The following EIF2AK1 variants were observed in gnomAD, a reference collection of about 807,000 sequenced individuals.
The protein encoded by EIF2AK1 is eukaryotic translation initiation factor 2 alpha kinase 1.
Under a neutral mutation model 77.9 loss-of-function variants are expected in EIF2AK1, and 54 were observed. The observed-to-expected ratio is 0.69, with a 90% confidence interval of 0.56 to 0.87. The LOEUF is 0.87. EIF2AK1 is among the 40% of genes least tolerant of loss of function. EIF2AK1 has a pLI of 0.00. For synonymous variants in EIF2AK1, 314 were observed against 290.5 expected (o/e 1.08, Z -0.82); for missense variants, 810 against 768.6 (o/e 1.05, Z -0.64).
At position 6,026,713 on chromosome 7, in the gene EIF2AK1, A is replaced by G. The variant is rs1014150943; in HGVS notation, c.1764+15T>C. On this transcript the variant is annotated intron_variant, in intron 14 of 14. Transcript: ENST00000199389. ...CCACCTTCACTCCAGGACCAAGAGA[A>G]AGAAAAGCACATACATTTCCAGAAT... The G allele has an allele frequency of 2.1e-5, 33 of 1,606,318 alleles. No homozygotes were observed. Among genetic ancestry groups the G allele is most frequent in the Non-Finnish European group, 2.8e-5 (33 of 1,172,938 alleles).
In EIF2AK1 at chr7:6,032,070, C is replaced by G. The variant is rs1033726052; in HGVS notation, c.1333-3038G>C. ...GAGCCTGTAATCTCAGCTACTCGGA[C>G]GGCTGAGGCAGGAGAATTGCTTGAA... On this transcript the variant is annotated intron_variant, in intron 11 of 14. Coordinates refer to ENST00000199389, the MANE Select transcript of EIF2AK1 (RefSeq NM_014413.4). This position sits in a 1 kb window ranked among gnomAD's most constrained non-coding sequence, Gnocchi z 4.3. 6.6e-6 allele frequency among the ~76,000 whole-genome samples: 1 copy of G among 151,992 alleles called. No homozygotes were observed. Among genetic ancestry groups the G allele is most frequent in the South Asian group, 2.1e-4 (1 of 4,816 alleles).
At chr7:6,026,090 T>G (rs1485101565) in intron 14 of EIF2AK1, among the ~76,000 whole-genome samples, 1 of 151,768 alleles carries the variant, frequency 6.6e-6, no homozygotes, top group Non-Finnish European at 1.5e-5. Flanking sequence ...GTCCAATGAC[T>G]GTGTACTGCG....
rs1787556688 is a variant in EIF2AK1, at chr7:6,023,152, G to A, written c.*1521C>T. ...ACCCTTTTCAGTAGTAAGCATCTTA[G>A]AGACAGACTGAAAATGTGATGTTCT... On this transcript the variant is annotated 3_prime_UTR_variant, in exon 15 of 15. Coordinates refer to ENST00000199389, the MANE Select transcript of EIF2AK1 (RefSeq NM_014413.4). 1 of 910,264 alleles carries A rather than the reference G, an allele frequency of 1.1e-6. No individual in the cohort carries two copies. The highest frequency in any genetic ancestry group is 3.0e-5 in the Admixed American group (1 of 33,124). The allele number at this position is 910,264 out of a possible 1,614,324, so 56.4% of individuals were successfully genotyped here.
In EIF2AK1 at chr7:6,023,473, A is replaced by G. The variant is rs769821226; in HGVS notation, c.*1200T>C. 2 of 1,614,266 alleles carry G rather than the reference A, an allele frequency of 1.2e-6. No homozygotes were observed. The highest frequency in any genetic ancestry group is 1.7e-6 in the Non-Finnish European group (2 of 1,180,048). On this transcript the variant is annotated 3_prime_UTR_variant, in exon 15 of 15. Coordinates refer to ENST00000199389, the MANE Select transcript of EIF2AK1 (RefSeq NM_014413.4). ...GATTTTTCAGTTAAAAGAGGGAAGC[A>G]GTAAAGAAAAAGCCGCTGTTTTCCG...
At position 6,036,440 on chromosome 7, in the gene EIF2AK1, T is replaced by C. The variant is rs1324354401; in HGVS notation, c.1332+984A>G. 10 of 1,327,032 alleles carry C rather than the reference T, an allele frequency of 7.5e-6. No individual in the cohort carries two copies. The highest frequency in any genetic ancestry group is 9.9e-6 in the Non-Finnish European group (10 of 1,005,346). 82.2% of individuals were successfully genotyped at this position (1,327,032 alleles called of 1,614,324 possible). On this transcript the variant is annotated intron_variant, in intron 11 of 14. Transcript: ENST00000199389. This position sits in a 1 kb window ranked among gnomAD's most constrained non-coding sequence, Gnocchi z 4.6. Reference sequence around the variant, plus strand: ...GGACTTTCAGCCACTCAAACTGCATTTTCTGGCTAGACATGTCCCAGAAAA... The same window carrying C: ...GGACTTTCAGCCACTCAAACTGCATCTTCTGGCTAGACATGTCCCAGAAAA...
chr7:6,028,187 T>A (rs1222678867), intron 13 of EIF2AK1: 3 of 315,406 alleles, frequency 9.5e-6, no homozygotes, highest in African/African-American at 6.6e-5. Flanking sequence ...CAGTTAATTA[T>A]CTACAGTACT....
chr7:6,030,643 C>T (rs946890394), intron 11 of EIF2AK1, among the ~76,000 whole-genome samples: 14 of 152,100 alleles, frequency 9.2e-5, no homozygotes, highest in Non-Finnish European at 1.5e-4. Context: ...GGACTACAGG[C>T]GCACGCCACC....
At position 6,024,171 on chromosome 7, in the gene EIF2AK1, G is replaced by C. The variant is rs1483189333; in HGVS notation, c.*502C>G. The C allele has an allele frequency of 5.5e-6, 7 of 1,272,962 alleles. No individual in the cohort carries two copies. The allele number at this position is 1,272,962 out of a possible 1,614,324, so 78.9% of individuals were successfully genotyped here. On this transcript the variant is annotated 3_prime_UTR_variant, in exon 15 of 15. Transcript: ENST00000199389. ...GAAGTTGCACACTGTACACTGTTAA[G>C]AAGTTGAGCTTTTATCTTAGAGGCA...
rs1422862292 is a variant in EIF2AK1 at position 6,032,352 on chromosome 7, T to A, written c.1333-3320A>T. Among the ~76,000 whole-genome samples the A allele has an allele frequency of 2.0e-5, 3 of 152,234 alleles. No individual in the cohort carries two copies. On this transcript the variant is annotated intron_variant, in intron 11 of 14. Transcript: ENST00000199389. This position sits in a 1 kb window ranked among gnomAD's most constrained non-coding sequence, Gnocchi z 4.3. ...GAAACCACTACTTACACGTGTGTATTTTAAGAGCTGGCACAAACAGCTCTG... is the reference window on the plus strand; with the variant it reads ...GAAACCACTACTTACACGTGTGTATATTAAGAGCTGGCACAAACAGCTCTG...
At chr7:6,056,287 A>G in intron 1 of EIF2AK1, among the ~76,000 whole-genome samples, 1 of 73,598 alleles carries the variant, frequency 1.4e-5, no homozygotes, top group South Asian at 6.1e-4. Flanking sequence ...TGTGAGACTC[A>G]GTCTCAAAAA....
chr7:6,048,072 TAG>T (rs2128890821), intron 4 of EIF2AK1: 1 of 152,326 alleles, frequency 6.6e-6, no homozygotes, highest in East Asian at 1.9e-4. Flanking sequence ...TATTTTAATG[TAG>T]AGTGCTTTAT....
rs909201219 is a variant in EIF2AK1 at position 6,023,715 on chromosome 7, G to T, written c.*958C>A. 1.2e-6 allele frequency: 2 copies of T among 1,614,026 alleles called. No individual in the cohort carries two copies. The highest frequency in any genetic ancestry group is 3.3e-5 in the Admixed American group (2 of 59,978). On this transcript the variant is annotated 3_prime_UTR_variant, in exon 15 of 15. Transcript: ENST00000199389. ...GAATTGCCGTAACTGATTTTAAAGG[G>T]TTTAGATTTTAAGAATGGTGCTCTT...
intron 11 of EIF2AK1, among the ~76,000 whole-genome samples, chr7:6,034,966 G>A (rs907203300): frequency 2.6e-5 from 4 of 152,064 alleles, no homozygotes; most frequent in African/African-American, 4.8e-5. Context: ...ACGGGAGTTC[G>A]GGCCTTCACG....
chr7:6,036,161 C>A lies in EIF2AK1; in HGVS notation c.1332+1263G>T. On this transcript the variant is annotated intron_variant, in intron 11 of 14. Coordinates refer to ENST00000199389, the MANE Select transcript of EIF2AK1 (RefSeq NM_014413.4). This position sits in a 1 kb window ranked among gnomAD's most constrained non-coding sequence, Gnocchi z 4.6. Reference sequence around the variant, plus strand: ...ATCACACTTATCCTCTGAGAATGACCAATAACCAAGGAATTCTACCTGCAG... The same window carrying A: ...ATCACACTTATCCTCTGAGAATGACAAATAACCAAGGAATTCTACCTGCAG... 2 of 1,549,970 alleles carry A rather than the reference C, an allele frequency of 1.3e-6. No individual in the cohort carries two copies. The highest frequency in any genetic ancestry group is 1.7e-6 in the Non-Finnish European group (2 of 1,146,586).
In EIF2AK1 at chr7:6,041,177, G is replaced by A. The variant is rs755743557; in HGVS notation, c.834C>T (p.Ser278=). 1.2e-6 allele frequency: 2 copies of A among 1,613,010 alleles called. No individual in the cohort carries two copies. Among genetic ancestry groups the A allele is most frequent in the Admixed American group, 1.7e-5 (1 of 59,686 alleles). Residue 278 remains serine, a synonymous_variant, in exon 9 of 15, where the codon TCC becomes TCT. Transcript: ENST00000199389. ...GVKNDESSSS[S]IIFAEPTPEK... The stretch of plus-strand genomic sequence containing the variant: ...CTGGGGTGGGCTCAGCAAAGATAAT[G>A]GATGAGCTGCTACTTTCATCATTTT...
intron 14 of EIF2AK1, among the ~76,000 whole-genome samples, chr7:6,025,711 C>T (rs1787726317): frequency 6.6e-6 from 1 of 152,284 alleles, no homozygotes; most frequent in East Asian, 1.9e-4. Flanking sequence ...TCTCAGCTCA[C>T]TGCAACCTCC....
chr7:6,051,270 TTTC>T (rs894168796), intron 2 of EIF2AK1, among the ~76,000 whole-genome samples: 9 of 147,378 alleles, frequency 6.1e-5, no homozygotes, highest in East Asian at 4.3e-4. Context: ...TTTTTTTTTC[TTTC>T]TTTTTTTTTT....
intron 9 of EIF2AK1, 59 bp downstream of exon 9, chr7:6,040,831 CCA>C: frequency 7.3e-7 from 1 of 1,374,348 alleles, no homozygotes; most frequent in Admixed American, 1.8e-5. Context: ...CGAGAGAAGG[CCA>C]CACACCTGCA....
rs1458316715 is a variant in EIF2AK1, at chr7:6,032,900, T to C, written c.1333-3868A>G. The C allele has an allele frequency of 6.4e-7, 1 of 1,551,038 alleles. No individual in the cohort carries two copies. ...AAGTACCACAAGGCCCAGAGTCTGC[T>C]CTGCCTGTTACGGCACGGTGCTGAC... is the stretch of plus-strand genomic sequence containing the variant. On this transcript the variant is annotated intron_variant, in intron 11 of 14. Transcript: ENST00000199389. This position sits in a 1 kb window ranked among gnomAD's most constrained non-coding sequence, Gnocchi z 4.3.
Sources: allele counts gnomAD v4.1 joint callset (sites outside exome capture counted in the v4.1 genomes callset), GRCh38; gene constraint gnomAD v4.1.1; non-coding constraint Gnocchi (gnomAD v3.1); transcripts MANE v1.5; gene names NCBI Gene and HGNC (gene_info 2026-07-23, HGNC 2026-07-21).